Variants in LRRC27 observed in about 807,000 individuals in gnomAD.
The protein encoded by LRRC27 is leucine-rich repeat-containing protein 27.
LRRC27 carries 57 observed loss-of-function variants against 55.0 expected under a neutral mutation model. The ratio of observed to expected loss-of-function variants is 1.04; its 90% CI spans 0.84 to 1.29. The LOEUF is 1.29. Among genes scored for constraint, LRRC27 ranks in the 50% most tolerant of loss-of-function variants. LRRC27 has a pLI of 0.00. For missense variants in LRRC27, 721 were observed against 651.5 expected (o/e 1.11, Z -1.16); for synonymous variants, 278 against 251.9 (o/e 1.10, Z -0.98).
chr10:132,336,507 G>A (rs2067140388), intron 2 of LRRC27, among the ~76,000 whole-genome samples: 2 of 152,238 alleles, frequency 1.3e-5, no homozygotes, highest in Admixed American at 6.5e-5. Context: ...TCAGTGATTT[G>A]GATCAGGGAC....
At chr10:132,337,740 G>T in intron 3 of LRRC27, 45 bp downstream of exon 3, 1 of 1,601,752 alleles carries the variant, frequency 6.2e-7, no homozygotes, top group Non-Finnish European at 8.5e-7. Flanking sequence ...TCTTTTCAGT[G>T]CACGAGTGCC....
intron 7 of LRRC27, chr10:132,353,068 TG>T: frequency 1.3e-6 from 2 of 1,534,232 alleles, no homozygotes; most frequent in Non-Finnish European, 1.8e-6. Context: ...CACCCCTCCC[TG>T]GGCCCCAGGA....
chr10:132,350,628 G>C (rs1381762580), intron 6 of LRRC27: 1 of 152,592 alleles, frequency 6.6e-6, no homozygotes, highest in Non-Finnish European at 1.5e-5. Flanking sequence ...GGGGGGGCGG[G>C]CCAGCCTCCT....
rs370110598 is a variant in LRRC27, at chr10:132,347,969, T to C, written c.554-15T>C. 8 of 1,576,552 alleles carry C rather than the reference T, an allele frequency of 5.1e-6. No homozygotes were observed. In the African/African-American group the frequency reaches 9.6e-5, roughly 19 times the overall value. On this transcript the variant is annotated splice_polypyrimidine_tract_variant and intron_variant, in intron 5 of 10. Transcript: ENST00000368614. ...CGTTGATGGTAGCTACTAAAGCGGT[T>C]TCTTACTCTCCCAGAGGCTCCACCG...
chr10:132,380,784 G>A lies in LRRC27; in HGVS notation c.*5542G>A, dbSNP rs926425160. Among the ~76,000 whole-genome samples, 4 of 152,228 alleles carry A rather than the reference G, an allele frequency of 2.6e-5. No individual in the cohort carries two copies. The highest frequency in any genetic ancestry group is 5.9e-5 in the Non-Finnish European group (4 of 68,044). ...CATGCCAAAGAGCTCCTGAGAAGCA[G>A]AGAAAAGTCATGACATTTCAAGAAA... On this transcript the variant is annotated 3_prime_UTR_variant, in exon 11 of 11. Transcript: ENST00000368614.
intron 8 of LRRC27, among the ~76,000 whole-genome samples, 179 bp from the exon 9 acceptor site, chr10:132,361,278 C>T (rs917034582): frequency 2.0e-5 from 3 of 152,260 alleles, no homozygotes; most frequent in Non-Finnish European, 4.4e-5. Context: ...CCCAGTAGGG[C>T]GCGAGAGCTA....
Position 132,375,491 on chromosome 10 carries a change from T to G in LRRC27, c.*249T>G. 104 of 368,436 alleles carry G rather than the reference T, an allele frequency of 2.8e-4. No individual in the cohort carries two copies. Among genetic ancestry groups the G allele is most frequent in the East Asian group, 6.5e-4 (12 of 18,440 alleles). The allele number at this position is 368,436 out of a possible 1,614,324, so 22.8% of individuals were successfully genotyped here. The stretch of plus-strand genomic sequence containing the variant: ...TCTCGCCTTCCCTTCTTCCTGCAGG[T>G]TCCCGCCAAGCCATGTGACAGAGTG... On this transcript the variant is annotated 3_prime_UTR_variant, in exon 11 of 11. Transcript: ENST00000368614.
At chr10:132,337,145 C>T (rs888426729) in intron 2 of LRRC27, 22 of 1,194,766 alleles carry the variant, frequency 1.8e-5, no homozygotes, top group Admixed American at 4.6e-5. Flanking sequence ...TCCCCCAGAC[C>T]AGACATGGCT....
intron 8 of LRRC27, among the ~76,000 whole-genome samples, 159 bp from the exon 9 acceptor site, chr10:132,361,298 T>TG (rs2068602479): frequency 6.6e-6 from 1 of 152,170 alleles, no homozygotes; most frequent in Admixed American, 6.5e-5. Flanking sequence ...AGCCAAGACC[T>TG]GGGGGGATGA....
intron 5 of LRRC27, among the ~76,000 whole-genome samples, chr10:132,346,207 C>T (rs2067678133): frequency 6.6e-6 from 1 of 152,146 alleles, no homozygotes; most frequent in Non-Finnish European, 1.5e-5. Flanking sequence ...GGTGCGGGGT[C>T]CATCAACTTC....
chr10:132,344,815 C>G (rs1215298970), intron 5 of LRRC27, 165 bp downstream of exon 5: 6 of 582,398 alleles, frequency 1.0e-5, no homozygotes, highest in Admixed American at 9.5e-5. Context: ...CCGACCCAGT[C>G]ATCTCTGTGA....
upstream of LRRC27, chr10:132,331,922 CCA>C: frequency 2.9e-6 from 2 of 694,240 alleles, no homozygotes; most frequent in Non-Finnish European, 4.4e-6. Context: ...CACAACCCCC[CCA>C]CCGCAAGCGC....
chr10:132,374,984 C>T lies in LRRC27; in HGVS notation c.1417-82C>T, dbSNP rs898644402. 37 of 1,424,698 alleles carry T rather than the reference C, an allele frequency of 2.6e-5. No individual in the cohort carries two copies. Among genetic ancestry groups the T allele is most frequent in the African/African-American group, 5.7e-5 (4 of 70,452 alleles). 88.3% of individuals were successfully genotyped at this position (1,424,698 alleles called of 1,614,324 possible). A position where few individuals can be genotyped will look rare whatever the true frequency, so the allele number is the denominator to read the frequency against. On this transcript the variant is annotated intron_variant, in intron 10 of 10. Coordinates refer to ENST00000368614, the MANE Select transcript of LRRC27 (RefSeq NM_030626.3). This position sits in a 1 kb window ranked among gnomAD's most constrained non-coding sequence, Gnocchi z 4.4. ...TGACGCCCACATGGCCTGGGCCCCA[C>T]GTGGAATCTGAGCCAGAGACGTGGT...
Position 132,353,606 on chromosome 10 carries a change from A to G in LRRC27, c.1073+1853A>G, listed in dbSNP as rs373754255. The stretch of plus-strand genomic sequence containing the variant: ...ATACTGACGGGCAAGGATGAGGCTG[A>G]CTGACCGCTCTAGGGCTGTCCTAGG... On this transcript the variant is annotated intron_variant, in intron 7 of 10. Transcript: ENST00000368614. Among the ~76,000 whole-genome samples, 164 of 152,254 alleles carry G rather than the reference A, an allele frequency of 1.1e-3. 1 individual carries two copies. The highest frequency in any genetic ancestry group is 3.7e-3 in the African/African-American group (154 of 41,554).
rs1385519148 is a variant in LRRC27 at position 132,361,544 on chromosome 10, G to A, written c.1258G>A (p.Glu420Lys). Residue 420 changes from glutamate to lysine, a missense_variant, in exon 9 of 11, where the codon GAG (glutamate) becomes AAG (lysine). By Grantham distance (56) the Glu-to-Lys change is moderately conservative. Transcript: ENST00000368614. ...GCCTGGAAAAATGAAACCAAGCAAA[G>A]AGAAATCGCCACAAGCAAGTAAAGA... ...NPPGKMKPSK[E>K]KSPQASKEMS... is the part of the protein sequence containing the mutation. 2 of 1,613,778 alleles carry A rather than the reference G, an allele frequency of 1.2e-6. No individual in the cohort carries two copies. Among genetic ancestry groups the A allele is most frequent in the Non-Finnish European group, 1.7e-6 (2 of 1,179,884 alleles).
chr10:132,344,711 C>G, intron 5 of LRRC27, 61 bp downstream of exon 5: 1 of 1,572,024 alleles, frequency 6.4e-7, no homozygotes, highest in Non-Finnish European at 8.7e-7. Context: ...TTTTTAAAAT[C>G]AGGGCAGAAC....
intron 9 of LRRC27, among the ~76,000 whole-genome samples, chr10:132,364,417 G>A (rs61864515): frequency 0.4 from 2,619 of 6,612 alleles, 369 homozygotes; most frequent in Middle Eastern, 0.5. Context: ...CCACACCCGC[G>A]CTTACACCCA....
chr10:132,353,388 C>T (rs1232179017), intron 7 of LRRC27: 6 of 1,047,876 alleles, frequency 5.7e-6, no homozygotes, highest in East Asian at 7.8e-5. Flanking sequence ...ATAAACCCTC[C>T]TGAAGCCACC....
At position 132,351,551 on chromosome 10, in the gene LRRC27, A is replaced by C. The variant is rs1008116317; in HGVS notation, c.927-56A>C. 26 of 1,576,212 alleles carry C rather than the reference A, an allele frequency of 1.6e-5. No individual in the cohort carries two copies. The African/African-American group carries it at 3.3e-4, about 20-fold the overall frequency. On this transcript the variant is annotated intron_variant, in intron 6 of 10. Coordinates refer to ENST00000368614, the MANE Select transcript of LRRC27 (RefSeq NM_030626.3). ...CCTTTTACATTTCACATGTTGTATG[A>C]ATTACCGTCACAGGGTTTTGTTAAA... is the stretch of plus-strand genomic sequence containing the variant.
Sources: gnomAD v4.1 joint callset for allele counts (sites outside exome capture counted in the v4.1 genomes callset) on GRCh38, gnomAD v4.1.1 for gene constraint, Gnocchi (gnomAD v3.1) non-coding constraint, MANE v1.5 for transcripts, NCBI Gene and HGNC (gene_info 2026-07-23, HGNC 2026-07-21) for gene names.